Variants in C5orf34 observed in about 807,000 individuals in gnomAD.
The protein encoded by C5orf34 is chromosome 5 open reading frame 34.
In C5orf34, 73 loss-of-function variants were observed where a neutral mutation model predicts 78.4. The observed-to-expected ratio is 0.93, with a 90% CI of 0.77 to 1.13. The LOEUF is 1.13. Among genes scored for constraint, C5orf34 ranks in the 50% most tolerant of loss-of-function variants. The probability of loss-of-function intolerance (pLI) is 0.00; values close to 1 mark genes in which losing one functional copy is unlikely to be tolerated. For synonymous variants in C5orf34, 251 were observed against 246.6 expected, an observed-to-expected ratio of 1.02 and a Z score of -0.17; for missense variants, 730 against 732.7, an observed-to-expected ratio of 1.00 and a Z score of 0.04.
At chr5:43,497,863 C>T (rs1276770907) in intron 6 of C5orf34, among the ~76,000 whole-genome samples, 3 of 152,166 alleles carry the variant, frequency 2.0e-5, no homozygotes, top group Non-Finnish European at 4.4e-5. Flanking sequence ...TCAAAATTTG[C>T]ACTTTCACTT....
chr5:43,499,598 G>A (rs888144835), intron 6 of C5orf34, among the ~76,000 whole-genome samples: 1 of 152,084 alleles, frequency 6.6e-6, no homozygotes, highest in African/African-American at 2.4e-5. Context: ...CCCAAACATA[G>A]CTACTTCAGT....
Position 43,495,253 on chromosome 5 carries a change from A to G in C5orf34, c.1153-652T>C. ...CAATGGGCTTGCCAGGAACCATATC[A>G]ACAATGGCAGCATCACCAGACTTCA... On this transcript the variant is annotated intron_variant, in intron 6 of 12. Coordinates refer to ENST00000306862, the MANE Select transcript of C5orf34 (RefSeq NM_198566.4). The G allele has an allele frequency of 2.5e-6, 4 of 1,607,272 alleles. No homozygotes were observed. The South Asian group carries it at 4.4e-5, about 18-fold the overall frequency.
chr5:43,514,022 G>A (rs553059292), intron 1 of C5orf34, among the ~76,000 whole-genome samples: 1 of 152,320 alleles, frequency 6.6e-6, no homozygotes, highest in East Asian at 1.9e-4. Context: ...ATATTTGAAT[G>A]ATGAAAAATA....
chr5:43,513,295 A>T (rs1204089610), intron 1 of C5orf34, among the ~76,000 whole-genome samples: 1 of 151,990 alleles, frequency 6.6e-6, no homozygotes, highest in East Asian at 2.0e-4. Context: ...TGCCTGCTAG[A>T]CCGCTCTCTA....
At chr5:43,504,656 T>C (rs1015565604) in intron 4 of C5orf34, among the ~76,000 whole-genome samples, 1 of 152,098 alleles carries the variant, frequency 6.6e-6, no homozygotes, top group African/African-American at 2.4e-5. Context: ...AAAGTCCAGC[T>C]TAGCAAGAAT....
intron 1 of C5orf34, among the ~76,000 whole-genome samples, chr5:43,512,079 T>G (rs1746285548): frequency 6.7e-6 from 1 of 150,142 alleles, no homozygotes; most frequent in African/African-American, 2.4e-5. Flanking sequence ...TACCATTTAC[T>G]AGCTAGCTAT....
intron 6 of C5orf34, chr5:43,495,581 T>C (rs1274388549): frequency 6.8e-6 from 11 of 1,612,824 alleles, no homozygotes; most frequent in Non-Finnish European, 7.6e-6. Flanking sequence ...ATGGTGCATT[T>C]CGACAGATTT....
intron 6 of C5orf34, chr5:43,495,981 G>T (rs1745500186): frequency 6.3e-7 from 1 of 1,590,764 alleles, no homozygotes; most frequent in African/African-American, 1.3e-5. Flanking sequence ...CTGTAGGGTG[G>T]CTCAGTGGAA....
intron 6 of C5orf34, chr5:43,495,117 C>T (rs1745445904): frequency 6.9e-6 from 11 of 1,583,874 alleles, no homozygotes; most frequent in Non-Finnish European, 9.5e-6. Context: ...GTGACCTTGC[C>T]ACCTCCAGCA....
In C5orf34 at chr5:43,486,871, C is replaced by T; in HGVS notation, c.*44G>A. ...GTAATTTTATACCAGTCACTTGAAA[C>T]AACATCCTTAAACTTTAATAATATG... On this transcript the variant is annotated 3_prime_UTR_variant, in exon 13 of 13. Coordinates refer to ENST00000306862, the MANE Select transcript of C5orf34 (RefSeq NM_198566.4). 3 of 1,264,284 alleles carry T rather than the reference C, an allele frequency of 2.4e-6. No individual in the cohort carries two copies. The highest frequency in any genetic ancestry group is 3.2e-6 in the Non-Finnish European group (3 of 942,330). 78.3% of individuals were successfully genotyped at this position (1,264,284 alleles called of 1,614,324 possible).
Position 43,492,292 on chromosome 5 carries a change from G to C in C5orf34, c.1503C>G (p.Asn501Lys), listed in dbSNP as rs1745317287. 1.2e-6 allele frequency: 2 copies of C among 1,606,806 alleles called. No homozygotes were observed. Among genetic ancestry groups the C allele is most frequent in the Non-Finnish European group, 1.7e-6 (2 of 1,176,044 alleles). Residue 501 changes from asparagine (N) to lysine (K), a missense_variant, in exon 10 of 13, where the codon AAC becomes AAG. Coordinates refer to ENST00000306862, the MANE Select transcript of C5orf34 (RefSeq NM_198566.4). ...GAAAAGTTAACTTACACCAACCTAA[G>C]TTAAGACCTTGATTTACCTGAAGAA... The part of the protein sequence containing the change: ...IEKRQVNQGL[N>K]LGWCKLTFPD...
At position 43,514,909 on chromosome 5, in the gene C5orf34, A is replaced by C. The variant is rs386687699; in HGVS notation, c.-140T>G. 1.3e-5 allele frequency: 2 copies of C among 152,066 alleles called. No individual in the cohort carries two copies. The highest frequency in any genetic ancestry group is 6.6e-5 in the Admixed American group (1 of 15,258). 9.4% of individuals were successfully genotyped at this position (152,066 alleles called of 1,614,324 possible). A position where few individuals can be genotyped will look rare whatever the true frequency, so the allele number is the denominator to read the frequency against. ...GCCGCAGCGTCGGCGCCTGCCCACC[A>C]CTGCTTCTTCAGGGGTTTCTTCAGT... On this transcript the variant is annotated 5_prime_UTR_variant, in exon 1 of 13. Transcript: ENST00000306862.
chr5:43,501,753 G>C (rs561158510), intron 6 of C5orf34, among the ~76,000 whole-genome samples: 1 of 152,314 alleles, frequency 6.6e-6, no homozygotes, highest in African/African-American at 2.4e-5. Context: ...GTAATGAAGA[G>C]AGAAAACATA....
chr5:43,506,113 C>T lies in C5orf34; in HGVS notation c.567G>A (p.Gln189=), dbSNP rs760799383. ...KICIRGNLPG[Q]RLKNKENEFH... Reference sequence around the variant, plus strand: ...ACTCATTTTCTTTATTCTTCAGTCTCTGTCCTGGTAAATTTCCACGTATAC... The same window carrying T: ...ACTCATTTTCTTTATTCTTCAGTCTTTGTCCTGGTAAATTTCCACGTATAC... Residue 189 remains glutamine, a synonymous_variant, in exon 4 of 13, where the codon CAG becomes CAA. Transcript: ENST00000306862. The T allele has an allele frequency of 2.5e-6, 4 of 1,614,196 alleles. No homozygotes were observed. Among genetic ancestry groups the T allele is most frequent in the Non-Finnish European group, 3.4e-6 (4 of 1,180,038 alleles).
chr5:43,493,508 A>T, intron 8 of C5orf34, 35 bp downstream of exon 8: 2 of 1,248,864 alleles, frequency 1.6e-6, no homozygotes, highest in Non-Finnish European at 2.3e-6. Flanking sequence ...AAAACAATTT[A>T]AAAATATCTT....
At chr5:43,505,333 C>T (rs906194724) in intron 4 of C5orf34, among the ~76,000 whole-genome samples, 13 of 152,232 alleles carry the variant, frequency 8.5e-5, no homozygotes, top group Admixed American at 4.6e-4. Context: ...ATCCACACTC[C>T]AGCAAGCAAG....
At chr5:43,501,291 G>A (rs374753955) in intron 6 of C5orf34, among the ~76,000 whole-genome samples, 73 of 152,150 alleles carry the variant, frequency 4.8e-4, no homozygotes, top group African/African-American at 1.3e-3. Context: ...ACATATATAC[G>A]TATACATGTT....
chr5:43,508,079 GAAAA>G (rs58637292), intron 3 of C5orf34, among the ~76,000 whole-genome samples: 1 of 107,768 alleles, frequency 9.3e-6, no homozygotes. Context: ...CTCCGTCTCA[GAAAA>G]AAAAAAAAAA....
chr5:43,513,649 T>G (rs1201195349), intron 1 of C5orf34, among the ~76,000 whole-genome samples: 3 of 152,240 alleles, frequency 2.0e-5, no homozygotes, highest in Admixed American at 2.0e-4. Flanking sequence ...CATTGGCATT[T>G]TAAATGTTCT....
Sources: gnomAD v4.1 joint callset for allele counts (sites outside exome capture counted in the v4.1 genomes callset) on GRCh38, gnomAD v4.1.1 for gene constraint, MANE v1.5 for transcripts, NCBI Gene and HGNC (gene_info 2026-07-23, HGNC 2026-07-21) for gene names.